The following RARB variants were observed in gnomAD, a reference collection of about 807,000 sequenced individuals.
RARB encodes retinoic acid receptor beta.
Under a neutral mutation model 51.9 loss-of-function variants are expected in RARB, and 17 were observed. The observed-to-expected ratio is 0.33, with a 90% CI of 0.22 to 0.49. RARB has a LOEUF of 0.49. Ranked by LOEUF, RARB falls within the 20% of genes least tolerant of loss-of-function variation. The pLI, the probability that RARB is intolerant of heterozygous loss-of-function variation, is 0.99. For synonymous variants in RARB, 215 were observed against 195.4 expected (o/e 1.10, Z -0.84); for missense variants, 369 against 550.8 (o/e 0.67, Z 3.30).
chr3:25,144,049 T>A (rs1251420736), intron 4 of RARB, among the ~76,000 whole-genome samples: 1 of 152,224 alleles, frequency 6.6e-6, no homozygotes, highest in East Asian at 1.9e-4. Context: ...CTTATGGGAA[T>A]CAATTTGCAT....
At chr3:25,098,853 T>G (rs1011041133) in intron 3 of RARB, among the ~76,000 whole-genome samples, 1 of 152,216 alleles carries the variant, frequency 6.6e-6, no homozygotes, top group Non-Finnish European at 1.5e-5. Context: ...ATTATCTTCC[T>G]CCTCAACATC....
intron 2 of RARB, among the ~76,000 whole-genome samples, chr3:24,875,925 A>G (rs1202778447): frequency 6.6e-6 from 1 of 151,958 alleles, no homozygotes; most frequent in African/African-American, 2.4e-5. Context: ...AGGTCTTCAC[A>G]CTTTTGAAAA....
chr3:24,978,357 G>T (rs1471049694), intron 2 of RARB, among the ~76,000 whole-genome samples: 1 of 152,134 alleles, frequency 6.6e-6, no homozygotes, highest in African/African-American at 2.4e-5. Context: ...ACCTCTGGTA[G>T]AATTTGGCTG....
intron 2 of RARB, among the ~76,000 whole-genome samples, chr3:25,014,872 TCTC>T (rs1697475564): frequency 1.3e-5 from 2 of 152,134 alleles, no homozygotes; most frequent in Non-Finnish European, 2.9e-5. Context: ...CAAGTTCACC[TCTC>T]CTCCTATTTT....
At chr3:24,849,146 G>T (rs560919905) in intron 1 of RARB, among the ~76,000 whole-genome samples, 4 of 152,002 alleles carry the variant, frequency 2.6e-5, no homozygotes, top group Non-Finnish European at 2.9e-5. Flanking sequence ...AGTTTATGAC[G>T]TTTAATTTAT....
intron 3 of RARB, among the ~76,000 whole-genome samples, chr3:25,538,897 T>G (rs1026451517): frequency 2.6e-5 from 4 of 152,242 alleles, no homozygotes; most frequent in African/African-American, 9.6e-5. Context: ...AAGCAGTTGA[T>G]GTCACATTTT....
intron 4 of RARB, among the ~76,000 whole-genome samples, chr3:25,139,113 C>A (rs888280397): frequency 3.9e-5 from 6 of 152,068 alleles, no homozygotes; most frequent in Non-Finnish European, 1.5e-5. Flanking sequence ...CCAAGCCATT[C>A]CTTGTCTCCC....
chr3:25,253,891 C>G (rs888365554), intron 5 of RARB, among the ~76,000 whole-genome samples: 1 of 152,080 alleles, frequency 6.6e-6, no homozygotes, highest in African/African-American at 2.4e-5. Context: ...TTGTGAGAAC[C>G]TCTAATAGAC....
At chr3:25,456,553 G>GTTTTTTT (rs1491545401) in intron 1 of RARB, among the ~76,000 whole-genome samples, 2 of 72,018 alleles carry the variant, frequency 2.8e-5, no homozygotes, top group African/African-American at 1.2e-4. Flanking sequence ...CTATACCACT[G>GTTTTTTT]ATTTTTTTTT....
intron 5 of RARB, among the ~76,000 whole-genome samples, chr3:25,414,248 T>A (rs1016946258): frequency 6.6e-6 from 1 of 152,264 alleles, no homozygotes; most frequent in African/African-American, 2.4e-5. Flanking sequence ...CATGTATCAA[T>A]AGTTCATTCC....
intron 1 of RARB, among the ~76,000 whole-genome samples, chr3:24,846,507 G>T (rs1994908): frequency 0.45 from 68,474 of 152,042 alleles, 15,987 homozygotes; most frequent in East Asian, 0.75. Flanking sequence ...TCTATTTGCA[G>T]AAGGGAATAT....
rs115449830 is a variant in RARB at position 25,184,687 on chromosome 3, A to G, written c.178+10112A>G. On this transcript the variant is annotated intron_variant, in intron 5 of 11. Coordinates refer to the RARB transcript ENST00000383772. ...AAAATTATGATGTTGTTCATGATCA[A>G]TTTACATCAATTGATACATGTAAGC... 9.1e-3 allele frequency among the ~76,000 whole-genome samples: 1,384 copies of G among 152,204 alleles called. 20 individuals are homozygous for G. The highest frequency in any genetic ancestry group is 0.031 in the African/African-American group (1,280 of 41,518).
At chr3:25,441,968 A>G (rs996452913) in intron 1 of RARB, among the ~76,000 whole-genome samples, 1 of 152,194 alleles carries the variant, frequency 6.6e-6, no homozygotes, top group African/African-American at 2.4e-5. Context: ...GTGCCCTTCA[A>G]TAGAACTTCC....
In RARB at chr3:25,443,167, AT is replaced by A. The variant is rs563559867; in HGVS notation, c.157+14285del. On this transcript the variant is annotated intron_variant, in intron 1 of 7. Coordinates refer to ENST00000330688, the MANE Select transcript of RARB (RefSeq NM_000965.5). Reference sequence around the variant, plus strand: ...TTGAGAACATCTCAAGTGAGCTAATATTTTTTGGTTATTCAAAACACCTCTA... The same window carrying A: ...TTGAGAACATCTCAAGTGAGCTAATATTTTTGGTTATTCAAAACACCTCTA... Among the ~76,000 whole-genome samples the A allele has an allele frequency of 3.9e-5, 6 of 152,256 alleles. No individual in the cohort carries two copies. The East Asian group carries it at 1.2e-3, about 29-fold the overall frequency.
chr3:25,595,362 A>G (rs1482106452), intron 7 of RARB, among the ~76,000 whole-genome samples: 3 of 152,208 alleles, frequency 2.0e-5, no homozygotes, highest in African/African-American at 7.2e-5. Context: ...TAGCCAAGGA[A>G]TAAACTCTGT....
intron 3 of RARB, among the ~76,000 whole-genome samples, chr3:25,118,596 G>A (rs1699729587): frequency 6.6e-6 from 1 of 152,160 alleles, no homozygotes; most frequent in Non-Finnish European, 1.5e-5. Flanking sequence ...TATTCCTTGA[G>A]AAGTACATGG....
intron 5 of RARB, among the ~76,000 whole-genome samples, chr3:25,281,585 A>G (rs966935246): frequency 2.0e-5 from 3 of 152,192 alleles, no homozygotes; most frequent in Non-Finnish European, 2.9e-5. Context: ...AGGCCAAACA[A>G]ATGATCAGCA....
chr3:25,076,905 T>A (rs1698881888), intron 3 of RARB, among the ~76,000 whole-genome samples: 1 of 152,168 alleles, frequency 6.6e-6, no homozygotes. Flanking sequence ...ACAGTGGGAT[T>A]TCTAGGACAA....
At chr3:24,896,324 A>T (rs1442950080) in intron 2 of RARB, among the ~76,000 whole-genome samples, 1 of 152,026 alleles carries the variant, frequency 6.6e-6, no homozygotes, top group African/African-American at 2.4e-5. Context: ...CCGTGGCGTG[A>T]TCTCGGCTCA....
Sources: allele counts gnomAD v4.1 joint callset (sites outside exome capture counted in the v4.1 genomes callset), GRCh38; gene constraint gnomAD v4.1.1; transcripts MANE v1.5; gene names NCBI Gene and HGNC (gene_info 2026-07-23, HGNC 2026-07-21).